The following CADM1 variants were observed in gnomAD, a reference collection of about 807,000 sequenced individuals.
CADM1 encodes the protein TSLC-1.
CADM1 carries 15 observed loss-of-function variants against 53.1 expected under a neutral mutation model. That is an observed-to-expected ratio of 0.28 (90% CI 0.19 to 0.44). The LOEUF (loss-of-function observed/expected upper bound fraction) is 0.44, where lower values mean the gene tolerates loss of function less well. Ranked by LOEUF, CADM1 falls within the 20% of genes least tolerant of loss-of-function variation. The probability of loss-of-function intolerance (pLI) is 1.00; values close to 1 mark genes in which losing one functional copy is unlikely to be tolerated. For synonymous variants in CADM1, 281 were observed against 243.0 expected (o/e 1.16, Z -1.45); for missense variants, 434 against 611.3 (o/e 0.71, Z 3.06).
At chr11:115,441,264 T>C (rs1948304839) in intron 1 of CADM1, among the ~76,000 whole-genome samples, 1 of 152,124 alleles carries the variant, frequency 6.6e-6, no homozygotes, top group Non-Finnish European at 1.5e-5. Flanking sequence ...GGGTGTGTTG[T>C]ATCTCACAGA....
Position 115,373,937 on chromosome 11 carries a change from G to A in CADM1, c.124+130334C>T, listed in dbSNP as rs562505700. On this transcript the variant is annotated intron_variant, in intron 1 of 11. Transcript: ENST00000331581. ...GCTACGTAGTCTTGAATTTGAATTG[G>A]AAGAGTCAAAATGGAGTCCTTATAC... Among the ~76,000 whole-genome samples the A allele has an allele frequency of 4.6e-5, 7 of 152,292 alleles. No individual in the cohort carries two copies. The South Asian group carries it at 1.5e-3, about 32-fold the overall frequency.
chr11:115,267,594 T>C (rs781642120), intron 1 of CADM1, among the ~76,000 whole-genome samples: 4 of 152,094 alleles, frequency 2.6e-5, no homozygotes, highest in Non-Finnish European at 5.9e-5. Context: ...AAGCAGTATG[T>C]AGGTTATCTG....
Position 115,192,299 on chromosome 11 carries a change from T to C in CADM1, c.1112-1358A>G, listed in dbSNP as rs552478720. Among the ~76,000 whole-genome samples the C allele has an allele frequency of 4.6e-5, 7 of 152,300 alleles. No individual in the cohort carries two copies. The East Asian group carries it at 1.4e-3, about 29-fold the overall frequency. ...TTCCATCATGACCCTTGGGTGCTAATAGTTAACAGCAGGTGCTGATTAAAA... is the reference window on the plus strand; with the variant it reads ...TTCCATCATGACCCTTGGGTGCTAACAGTTAACAGCAGGTGCTGATTAAAA... On this transcript the variant is annotated intron_variant, in intron 9 of 11. Transcript: ENST00000331581.
chr11:115,190,568 T>G (rs1939797442), intron 10 of CADM1: 1 of 248,148 alleles, frequency 4.0e-6, no homozygotes. Flanking sequence ...ACAACAAAAT[T>G]TCTCCCGACA....
intron 3 of CADM1, among the ~76,000 whole-genome samples, chr11:115,233,878 G>A (rs1457739007): frequency 6.6e-6 from 1 of 152,200 alleles, no homozygotes; most frequent in Non-Finnish European, 1.5e-5. Context: ...TGACAAAGAG[G>A]GCAAATGGCT....
intron 10 of CADM1, among the ~76,000 whole-genome samples, chr11:115,187,688 G>A (rs1477923710): frequency 6.6e-6 from 1 of 152,108 alleles, no homozygotes; most frequent in Admixed American, 6.5e-5. Flanking sequence ...TGATCCACCC[G>A]TCTCAGCGTC....
Position 115,307,459 on chromosome 11 carries a change from T to C in CADM1, c.125-67039A>G, listed in dbSNP as rs193071363. ...AGACAAAAAATATAAATACAAAATT[T>C]AAAAATCAGAAGAACATTTTTAAAT... On this transcript the variant is annotated intron_variant, in intron 1 of 11. Transcript: ENST00000331581. Among the ~76,000 whole-genome samples the C allele has an allele frequency of 2.0e-3, 300 of 149,398 alleles. 1 individual carries two copies. Among genetic ancestry groups the C allele is most frequent in the African/African-American group, 7.0e-3 (286 of 40,730 alleles).
At position 115,173,159 on chromosome 11, in the gene CADM1, G is replaced by C. The variant is rs1337542204; in HGVS notation, c.*3315C>G. On this transcript the variant is annotated 3_prime_UTR_variant, in exon 12 of 12. Coordinates refer to ENST00000331581, the MANE Select transcript of CADM1 (RefSeq NM_001301043.2). ...CACGTCTTCTTTTTATGAAAGGAGAGAGAACTTTCAAGGAAGAAGGCAGAA... is the reference window on the plus strand; with the variant it reads ...CACGTCTTCTTTTTATGAAAGGAGACAGAACTTTCAAGGAAGAAGGCAGAA... 1 of 152,164 alleles carries C rather than the reference G, an allele frequency of 6.6e-6. No individual in the cohort carries two copies. The highest frequency in any genetic ancestry group is 1.5e-5 in the Non-Finnish European group (1 of 68,050). 9.4% of individuals were successfully genotyped at this position (152,164 alleles called of 1,614,324 possible).
At chr11:115,238,989 T>C (rs1253396137) in intron 2 of CADM1, among the ~76,000 whole-genome samples, 1 of 151,992 alleles carries the variant, frequency 6.6e-6, no homozygotes, top group Non-Finnish European at 1.5e-5. Context: ...GGTTTTATAC[T>C]AGAGATAGAC....
intron 1 of CADM1, among the ~76,000 whole-genome samples, chr11:115,322,536 G>A (rs180928280): frequency 1.5e-3 from 235 of 152,250 alleles, no homozygotes; most frequent in African/African-American, 5.3e-3. Context: ...ATCCCAAAAA[G>A]AAACTTTATA....
At chr11:115,441,901 A>C (rs950032327) in intron 1 of CADM1, among the ~76,000 whole-genome samples, 1 of 152,132 alleles carries the variant, frequency 6.6e-6, no homozygotes, top group Non-Finnish European at 1.5e-5. Flanking sequence ...TGATAGTTCT[A>C]TTTTAAGCTG....
chr11:115,197,388 G>A (rs1940209453), intron 9 of CADM1, among the ~76,000 whole-genome samples: 1 of 152,202 alleles, frequency 6.6e-6, no homozygotes, highest in Non-Finnish European at 1.5e-5. Context: ...AGCGATTAAA[G>A]TAGGCCCTTT....
intron 1 of CADM1, chr11:115,377,432 A>T (rs1946466610): frequency 6.6e-6 from 1 of 152,234 alleles, no homozygotes; most frequent in Non-Finnish European, 1.5e-5. Context: ...GCAAGTATGC[A>T]TCTTTTTGTT....
At chr11:115,330,643 C>G (rs2135215478) in intron 1 of CADM1, among the ~76,000 whole-genome samples, 1 of 152,154 alleles carries the variant, frequency 6.6e-6, no homozygotes, top group East Asian at 1.9e-4. Flanking sequence ...TACTCCCACC[C>G]TCATCTCTTC....
rs527544741 is a variant in CADM1 at position 115,286,887 on chromosome 11, T to A, written c.125-46467A>T. ...AGGCTCCAAAAGAACAGAAGGAAAG[T>A]GCATTTCAAGAACAACAGAACCTTT... is the stretch of plus-strand genomic sequence containing the variant. On this transcript the variant is annotated intron_variant, in intron 1 of 11. Coordinates refer to ENST00000331581, the MANE Select transcript of CADM1 (RefSeq NM_001301043.2). Among the ~76,000 whole-genome samples, 7 of 152,326 alleles carry A rather than the reference T, an allele frequency of 4.6e-5. No individual in the cohort carries two copies. The South Asian group carries it at 1.5e-3, about 32-fold the overall frequency.
chr11:115,172,725 A>ATTTTTTTTTTTTT lies in CADM1; in HGVS notation c.*3736_*3748dup, dbSNP rs991408884. 1 of 85,526 alleles carries ATTTTTTTTTTTTT rather than the reference A, an allele frequency of 1.2e-5. No homozygotes were observed. The highest frequency in any genetic ancestry group is 2.1e-5 in the Non-Finnish European group (1 of 47,262). 5.3% of individuals were successfully genotyped at this position (85,526 alleles called of 1,614,324 possible). A position where few individuals can be genotyped will look rare whatever the true frequency, so the allele number is the denominator to read the frequency against. On this transcript the variant is annotated 3_prime_UTR_variant, in exon 12 of 12. Coordinates refer to ENST00000331581, the MANE Select transcript of CADM1 (RefSeq NM_001301043.2). ...CAGGTGCTCAATAACTGCATATCTGATTTTTTTTTTTTTTTTTTTTTTTTT... is the reference window on the plus strand; with the variant it reads ...CAGGTGCTCAATAACTGCATATCTGATTTTTTTTTTTTTTTTTTTTTTTTTTTTTTTTTTTTTT...
chr11:115,333,707 T>C (rs774823957), intron 1 of CADM1: 2 of 152,222 alleles, frequency 1.3e-5, no homozygotes, highest in African/African-American at 4.8e-5. Flanking sequence ...CAAGCAGCTC[T>C]ACTGTGGGCA....
intron 1 of CADM1, among the ~76,000 whole-genome samples, chr11:115,309,871 C>T (rs1944484676): frequency 1.3e-5 from 2 of 152,146 alleles, no homozygotes; most frequent in African/African-American, 4.8e-5. Context: ...CTAAATTCTA[C>T]TGATACTCGA....
chr11:115,357,154 T>C (rs959127214), intron 1 of CADM1, among the ~76,000 whole-genome samples: 1 of 152,118 alleles, frequency 6.6e-6, no homozygotes, highest in Admixed American at 6.6e-5. Context: ...CTCGGGCCTT[T>C]CAGGAACCCC....
Sources: allele counts gnomAD v4.1 joint callset (sites outside exome capture counted in the v4.1 genomes callset), GRCh38; gene constraint gnomAD v4.1.1; transcripts MANE v1.5; gene names NCBI Gene and HGNC (gene_info 2026-07-23, HGNC 2026-07-21).